The following ERN1 variants were observed in gnomAD, a reference collection of about 807,000 sequenced individuals.
ERN1 encodes serine/threonine-protein kinase/endoribonuclease IRE1.
ERN1 carries 39 observed loss-of-function variants against 113.1 expected under a neutral mutation model. The observed-to-expected ratio is 0.34, with a 90% confidence interval of 0.27 to 0.45. The LOEUF (loss-of-function observed/expected upper bound fraction) is 0.45, where lower values mean the gene tolerates loss of function less well. ERN1 is among the 20% of genes least tolerant of loss of function. The pLI is 1.00. For synonymous variants in ERN1, 507 were observed against 515.9 expected (o/e 0.98, Z 0.23); for missense variants, 976 against 1,274.8 (o/e 0.77, Z 3.57).
chr17:64,125,475 C>G (rs556466178), intron 1 of ERN1, among the ~76,000 whole-genome samples: 1 of 152,254 alleles, frequency 6.6e-6, no homozygotes, highest in South Asian at 2.1e-4. Flanking sequence ...GGCACAGAAG[C>G]TCAATGTTTT....
intron 1 of ERN1, chr17:64,128,795 A>G (rs1382065516): frequency 6.6e-6 from 1 of 152,156 alleles, no homozygotes; most frequent in Non-Finnish European, 1.5e-5. Context: ...TAAAAAAAAA[A>G]ACCCTGAATT....
Position 64,063,904 on chromosome 17 carries a change from G to T in ERN1, c.1087+82C>A. On this transcript the variant is annotated intron_variant, in intron 10 of 21. Coordinates refer to ENST00000433197, the MANE Select transcript of ERN1 (RefSeq NM_001433.5). This position sits in a 1 kb window ranked among gnomAD's most constrained non-coding sequence, Gnocchi z 5.1. ...GCACAAGGCCTTCCGAGCTCAGTAC[G>T]GTGTAACTACCAGGGCCGGCGGTCG... The T allele has an allele frequency of 7.3e-7, 1 of 1,369,590 alleles. No homozygotes were observed. The allele number at this position is 1,369,590 out of a possible 1,614,324, so 84.8% of individuals were successfully genotyped here.
intron 19 of ERN1, among the ~76,000 whole-genome samples, chr17:64,046,450 A>G (rs1185841521): frequency 1.3e-5 from 2 of 152,146 alleles, no homozygotes; most frequent in Non-Finnish European, 1.5e-5. Flanking sequence ...CCTGTTCTAT[A>G]TTTTGCGATC....
At chr17:64,106,845 C>T (rs1914545054) in intron 1 of ERN1, among the ~76,000 whole-genome samples, 1 of 151,952 alleles carries the variant, frequency 6.6e-6, no homozygotes. Flanking sequence ...CTCACTCAAC[C>T]TGTGCAGTAA....
rs1458907452 is a variant in ERN1, at chr17:64,055,737, A to C, written c.1610T>G (p.Leu537Arg). 6.2e-7 allele frequency: 1 copy of C among 1,612,144 alleles called. No homozygotes were observed. The highest frequency in any genetic ancestry group is 8.5e-7 in the Non-Finnish European group (1 of 1,179,316). The change falls in exon 13 of 22, where the codon CTC becomes CGC. Residue 537 changes from leucine (L) to arginine (R), a missense_variant. Leu to Arg is a moderately radical substitution (Grantham distance 102, BLOSUM62 -2). Coordinates refer to ENST00000433197, the MANE Select transcript of ERN1 (RefSeq NM_001433.5). ...CTTGGAGGCAGAGCTGCCGGAGCAG[A>C]GCGAGTGGTTGGAGGCCCTGGGGGA... is the stretch of plus-strand genomic sequence containing the variant. ...STSPRASNHS[L>R]CSGSSASKAG...
chr17:64,109,429 A>C (rs557739326), intron 1 of ERN1, among the ~76,000 whole-genome samples: 29 of 152,328 alleles, frequency 1.9e-4, no homozygotes, highest in African/African-American at 7.0e-4. Context: ...AGTACTATGA[A>C]ATACACCCCG....
intron 1 of ERN1, among the ~76,000 whole-genome samples, chr17:64,114,801 TAATTTA>T (rs1434390530): frequency 6.6e-6 from 1 of 152,154 alleles, no homozygotes; most frequent in African/African-American, 2.4e-5. Context: ...TCCAGTGTTT[TAATTTA>T]TACTAACATT....
At chr17:64,090,328 C>T (rs568832414) in intron 2 of ERN1, among the ~76,000 whole-genome samples, 47 of 152,272 alleles carry the variant, frequency 3.1e-4, no homozygotes, top group Admixed American at 2.9e-3. Context: ...CCAAGTAATC[C>T]GGAAAACTGC....
chr17:64,107,730 C>A (rs1288959442), intron 1 of ERN1, among the ~76,000 whole-genome samples: 1 of 152,204 alleles, frequency 6.6e-6, no homozygotes. Flanking sequence ...GCCACCTGAA[C>A]AGTGAGTAAC....
At chr17:64,096,130 G>A (rs747046591) in intron 2 of ERN1, among the ~76,000 whole-genome samples, 2 of 152,214 alleles carry the variant, frequency 1.3e-5, no homozygotes, top group Non-Finnish European at 2.9e-5. Flanking sequence ...ATACTGGTCT[G>A]TGGATGGGTC....
chr17:64,066,845 G>C lies in ERN1; in HGVS notation c.668C>G (p.Ala223Gly), dbSNP rs886493745. The C allele has an allele frequency of 1.2e-6, 2 of 1,613,800 alleles. No homozygotes were observed. The highest frequency in any genetic ancestry group is 2.7e-5 in the African/African-American group (2 of 74,902). ...SGDVLWIQNY[A>G]SPVVAFYVWQ... is the part of the protein sequence containing the mutation. ...GACATAAAAGGCCACCACAGGGGAG[G>C]CGTAGTTTTGGATCCACAGGACGTC... Residue 223 changes from alanine (A) to glycine (G), a missense_variant, in exon 8 of 22, where the codon GCC becomes GGC. Around this residue, in one of 5 missense-constraint regions of ERN1, gnomAD observed 459 missense variants for 581.2 expected, o/e 0.79. Transcript: ENST00000433197.
rs893697279 is a variant in ERN1, at chr17:64,088,882, G to T, written c.176-8074C>A. On this transcript the variant is annotated intron_variant, in intron 2 of 21. Coordinates refer to ENST00000433197, the MANE Select transcript of ERN1 (RefSeq NM_001433.5). ...TGTGTTCACGGGACAGAGGACGCAG[G>T]CTCAGTAAGTGTGACATGTTCCTCC... 3.3e-5 allele frequency among the ~76,000 whole-genome samples: 5 copies of T among 152,248 alleles called. No homozygotes were observed. In the East Asian group the frequency reaches 7.7e-4, roughly 24 times the overall value.
rs148538224 is a variant in ERN1 at position 64,040,941 on chromosome 17, C to T, written c.*3047G>A. On this transcript the variant is annotated 3_prime_UTR_variant, in exon 22 of 22. Coordinates refer to ENST00000433197, the MANE Select transcript of ERN1 (RefSeq NM_001433.5). ...CAGGCGGATCACGAGGTTAGGAGAT[C>T]GAGACCATCCTGCCTAACATGGGGA... The T allele has an allele frequency of 0.019, 2,821 of 152,092 alleles. 37 individuals are homozygous for T. Among genetic ancestry groups the T allele is most frequent in the Middle Eastern group, 0.044 (13 of 294 alleles). The allele number at this position is 152,092 out of a possible 1,614,324, so 9.4% of individuals were successfully genotyped here. A position where few individuals can be genotyped will look rare whatever the true frequency, so the allele number is the denominator to read the frequency against.
chr17:64,095,918 C>T (rs1462740928), intron 2 of ERN1, among the ~76,000 whole-genome samples: 1 of 152,210 alleles, frequency 6.6e-6, no homozygotes, highest in African/African-American at 2.4e-5. Flanking sequence ...TTCACAGAGC[C>T]TCCTGCCCTC....
At chr17:64,058,055 G>T in intron 11 of ERN1, 62 bp from the exon 12 acceptor site, 1 of 1,274,286 alleles carries the variant, frequency 7.8e-7, no homozygotes, top group Non-Finnish European at 1.1e-6. Context: ...GATGAGGCCA[G>T]CAATCAAGAG....
chr17:64,061,303 C>T (rs1356355080), intron 10 of ERN1, among the ~76,000 whole-genome samples: 2 of 152,210 alleles, frequency 1.3e-5, no homozygotes, highest in East Asian at 3.9e-4. Context: ...AAAAATGAGT[C>T]CACATACTGC....
Position 64,057,919 on chromosome 17 carries a change from G to T in ERN1, c.1281C>A (p.Ala427=), listed in dbSNP as rs1486721274. The T allele has an allele frequency of 6.2e-7, 1 of 1,611,446 alleles. No individual in the cohort carries two copies. The highest frequency in any genetic ancestry group is 8.5e-7 in the Non-Finnish European group (1 of 1,178,898). ...GGGCCTCGGGCCGGGCAGGGGCATGGGCGGGCTTCTCCTCCACATCCCGAG... is the reference window on the plus strand; with the variant it reads ...GGGCCTCGGGCCGGGCAGGGGCATGTGCGGGCTTCTCCTCCACATCCCGAG... The part of the protein sequence containing the change: ...TVSRDVEEKP[A]HAPARPEAPV... Residue 427 remains alanine, a synonymous_variant, in exon 12 of 22, where the codon GCC becomes GCA. Coordinates refer to ENST00000433197, the MANE Select transcript of ERN1 (RefSeq NM_001433.5).
chr17:64,065,867 A>T (rs1250015084), intron 8 of ERN1, among the ~76,000 whole-genome samples: 4 of 152,210 alleles, frequency 2.6e-5, no homozygotes, highest in Non-Finnish European at 5.9e-5. Context: ...GACATCAGGG[A>T]GACAGAAAAT....
intron 1 of ERN1, among the ~76,000 whole-genome samples, chr17:64,123,551 G>A (rs1372896525): frequency 6.6e-6 from 1 of 152,000 alleles, no homozygotes; most frequent in Non-Finnish European, 1.5e-5. Context: ...ACTTTAAACC[G>A]CCTATCATAA....
Sources: gnomAD v4.1 joint callset for allele counts (sites outside exome capture counted in the v4.1 genomes callset) on GRCh38, gnomAD v4.1.1 for gene constraint, gnomAD v4.1.1 regional missense constraint, Gnocchi (gnomAD v3.1) non-coding constraint, MANE v1.5 for transcripts, NCBI Gene and HGNC (gene_info 2026-07-23, HGNC 2026-07-21) for gene names.